KLHL13: variants seen among roughly 807,000 people sequenced by gnomAD.
The protein encoded by KLHL13 is kelch like family member 13.
A neutral mutation model predicts 37.1 loss-of-function variants in KLHL13; 10 were observed. The ratio of observed to expected loss-of-function variants is 0.27; its 90% confidence interval spans 0.17 to 0.46. KLHL13 has a LOEUF of 0.46. Among genes scored for constraint, KLHL13 ranks in the 20% least tolerant of loss-of-function variants. KLHL13 has a pLI of 1.00. For missense variants in KLHL13, 360 were observed against 509.3 expected, an observed-to-expected ratio of 0.71 and a Z score of 2.82; for synonymous variants, 163 against 181.2, an observed-to-expected ratio of 0.90 and a Z score of 0.81.
At chrX:118,099,290 A>C (rs1433906361) in intron 1 of KLHL13, among the ~76,000 whole-genome samples, 3 of 111,654 alleles carry the variant, frequency 2.7e-5, no homozygotes, top group Non-Finnish European at 5.6e-5. Context: ...AGTTGTACAA[A>C]TTTTCTAGAC....
At chrX:118,015,292 A>G (rs1213687061) in intron 1 of KLHL13, among the ~76,000 whole-genome samples, 1 of 111,899 alleles carries the variant, frequency 8.9e-6, no homozygotes, top group Non-Finnish European at 1.9e-5. Context: ...CGAGGTGTTA[A>G]CAGAGGCTAT....
chrX:118,042,521 T>C (rs763986972), intron 1 of KLHL13, among the ~76,000 whole-genome samples: 127 of 111,697 alleles, frequency 1.1e-3, no homozygotes, highest in Non-Finnish European at 1.8e-3. Context: ...CTGACCACAA[T>C]AGAATATAAC....
chrX:118,019,059 A>G, intron 1 of KLHL13, among the ~76,000 whole-genome samples: 2 of 111,141 alleles, frequency 1.8e-5, no homozygotes, highest in Admixed American at 1.9e-4. Flanking sequence ...TTTGTGTGGT[A>G]AGAACATCTA....
chrX:117,953,376 G>A (rs1455235914), intron 1 of KLHL13, among the ~76,000 whole-genome samples: 8 of 110,011 alleles, frequency 7.3e-5, no homozygotes, highest in African/African-American at 2.0e-4. Flanking sequence ...GACACAAGAA[G>A]GGGAACATCA....
At chrX:118,062,865 C>G (rs1462727968) in intron 1 of KLHL13, among the ~76,000 whole-genome samples, 2 of 111,158 alleles carry the variant, frequency 1.8e-5, no homozygotes, top group African/African-American at 6.5e-5. Context: ...GTCCCTGAAT[C>G]TGGTGAAAAG....
intron 1 of KLHL13, among the ~76,000 whole-genome samples, chrX:117,997,227 ACACT>A (rs1334317231): frequency 9.4e-6 from 1 of 106,218 alleles, no homozygotes; most frequent in Non-Finnish European, 1.9e-5. Flanking sequence ...GCCTACTGAC[ACACT>A]CTCTTATGGA....
chrX:117,947,932 G>A (rs1165579431), intron 1 of KLHL13: 5 of 111,846 alleles, frequency 4.5e-5, no homozygotes, highest in African/African-American at 1.6e-4. Flanking sequence ...GATTATCTGA[G>A]TAATTCCAAG....
Position 118,089,610 on chromosome X carries a change from G to A in KLHL13, c.-56+26898C>T, listed in dbSNP as rs79397466. Among the ~76,000 whole-genome samples, 345 of 57,446 alleles carry A rather than the reference G, an allele frequency of 6.0e-3. 3 individuals are homozygous for A. Among genetic ancestry groups the A allele is most frequent in the African/African-American group, 0.016 (192 of 11,708 alleles). The allele number at this position is 57,446 out of a possible 115,157, so 49.9% of individuals were successfully genotyped here. A position where few individuals can be genotyped will look rare whatever the true frequency, so the allele number is the denominator to read the frequency against. ...GAAAAGAGAGAGAGAGAGAGAGAGA[G>A]AGAAAGAAAGAGAAAGAAAGAAAGA... On this transcript the variant is annotated intron_variant, in intron 1 of 6. Transcript: ENST00000371882.
intron 1 of KLHL13, among the ~76,000 whole-genome samples, chrX:117,991,846 ACTCTCTCTCTCTCTCTCT>A (rs56373597): frequency 0.072 from 4,563 of 63,501 alleles, 358 homozygotes; most frequent in African/African-American, 0.24. Flanking sequence ...CTACAGTGAA[ACTCTCTCTCTCTCTCTCT>A]CTCTCTCTCT....
chrX:117,961,686 G>C (rs1242987379), intron 1 of KLHL13, among the ~76,000 whole-genome samples: 1 of 111,148 alleles, frequency 9.0e-6, no homozygotes, highest in African/African-American at 3.3e-5. Flanking sequence ...TGGCCTTAAC[G>C]AGGGAGGAAT....
intron 1 of KLHL13, among the ~76,000 whole-genome samples, chrX:118,007,805 G>A (rs780518629): frequency 8.9e-6 from 1 of 111,750 alleles, no homozygotes; most frequent in South Asian, 3.8e-4. Flanking sequence ...GAGAATCATA[G>A]TATGCCTATC....
At chrX:118,096,353 C>T (rs1258353834) in intron 1 of KLHL13, among the ~76,000 whole-genome samples, 9 of 111,721 alleles carry the variant, frequency 8.1e-5, no homozygotes, top group Admixed American at 9.6e-5. Context: ...TTCCTCGACA[C>T]ATACACCCTC....
chrX:117,999,114 C>T (rs750583560), intron 1 of KLHL13, among the ~76,000 whole-genome samples: 5 of 109,531 alleles, frequency 4.6e-5, no homozygotes, highest in Admixed American at 2.9e-4. Context: ...AGGTTCAAAA[C>T]AAAAAAAAGA....
chrX:117,917,081 T>TA (rs1300563577), intron 4 of KLHL13, among the ~76,000 whole-genome samples: 1 of 111,191 alleles, frequency 9.0e-6, no homozygotes, highest in Non-Finnish European at 1.9e-5. Flanking sequence ...TAGGTTTAAC[T>TA]AAAAAAACAG....
At chrX:118,070,764 T>TTATG (rs1271086736) in intron 1 of KLHL13, among the ~76,000 whole-genome samples, 1 of 109,318 alleles carries the variant, frequency 9.1e-6, no homozygotes, top group African/African-American at 3.4e-5. Context: ...ATTTATTTAT[T>TTATG]TATTATTATA....
rs185514564 is a variant in KLHL13, at chrX:118,060,855, C to T, written c.-56+55653G>A. ...TGGGCAGCTTAAACAACAGATTCAA[C>T]ATGTCAGCACAGTTGGGTTCTTCTG... On this transcript the variant is annotated intron_variant, in intron 1 of 6. Coordinates refer to the KLHL13 transcript ENST00000371882. 4.5e-5 allele frequency among the ~76,000 whole-genome samples: 5 copies of T among 111,787 alleles called. No homozygotes were observed. In the Admixed American group the frequency reaches 4.8e-4, roughly 11 times the overall value.
rs924223270 is a variant in KLHL13, at chrX:118,025,465, G to C, written c.-55-79890C>G. ...CTTGCCGTAAATGCTACCCACCCAT[G>C]AGTCACTTAGTAGCCAGTTCAGTTA... On this transcript the variant is annotated intron_variant, in intron 1 of 6. Coordinates refer to the KLHL13 transcript ENST00000371882. Among the ~76,000 whole-genome samples, 4 of 111,589 alleles carry C rather than the reference G, an allele frequency of 3.6e-5. No homozygotes were observed. In the Admixed American group the frequency reaches 3.8e-4, roughly 11 times the overall value.
chrX:117,978,208 G>C (rs1415017554), upstream of KLHL13, among the ~76,000 whole-genome samples: 1 of 112,209 alleles, frequency 8.9e-6, no homozygotes, highest in Non-Finnish European at 1.9e-5. Context: ...AAGGTATCAA[G>C]AAATATAAAT....
At chrX:118,097,932 G>A in intron 1 of KLHL13, among the ~76,000 whole-genome samples, 1 of 111,654 alleles carries the variant, frequency 9.0e-6, no homozygotes, top group South Asian at 3.8e-4. Flanking sequence ...ATTAATTCAA[G>A]ATGGATTAAA....
Sources: allele counts gnomAD v4.1 joint callset (sites outside exome capture counted in the v4.1 genomes callset), GRCh38; gene constraint gnomAD v4.1.1; transcripts MANE v1.5; gene names NCBI Gene and HGNC (gene_info 2026-07-23, HGNC 2026-07-21).